The following CDH18 variants were observed in gnomAD, a reference collection of about 807,000 sequenced individuals.
The protein encoded by CDH18 is cadherin 18, also known as cadherin-18.
Under a neutral mutation model 67.9 loss-of-function variants are expected in CDH18, and 31 were observed. The observed-to-expected ratio is 0.46, with a 90% confidence interval of 0.34 to 0.62. The LOEUF (loss-of-function observed/expected upper bound fraction) is 0.62. CDH18 is among the 20% of genes least tolerant of loss of function. The pLI is 0.01. For missense variants in CDH18, 890 were observed against 975.5 expected (o/e 0.91, Z 1.17); for synonymous variants, 362 against 347.2 (o/e 1.04, Z -0.48).
intron 2 of CDH18, among the ~76,000 whole-genome samples, chr5:20,182,900 C>T (rs1280476960): frequency 1.3e-5 from 2 of 152,018 alleles, no homozygotes; most frequent in African/African-American, 2.4e-5. Context: ...AGCCCAAGAT[C>T]TCTATACTCA....
At chr5:19,540,210 A>G (rs1404189989) in intron 9 of CDH18, among the ~76,000 whole-genome samples, 1 of 152,080 alleles carries the variant, frequency 6.6e-6, no homozygotes, top group Non-Finnish European at 1.5e-5. Flanking sequence ...CAAATCTTAA[A>G]GTTCCAAAAT....
intron 5 of CDH18, among the ~76,000 whole-genome samples, chr5:19,711,809 C>CACT (rs994583938): frequency 1.3e-5 from 2 of 151,898 alleles, no homozygotes; most frequent in South Asian, 2.1e-4. Flanking sequence ...TCAGCAAACC[C>CACT]ACTACTACTA....
intron 1 of CDH18, among the ~76,000 whole-genome samples, chr5:20,435,499 G>T (rs1749099933): frequency 6.6e-6 from 1 of 151,896 alleles, no homozygotes; most frequent in African/African-American, 2.4e-5. Context: ...AGTTCCCTGT[G>T]TGAAATAGAA....
In CDH18 at chr5:19,544,019, G is replaced by T; in HGVS notation, c.1254-14C>A. 1 of 1,494,916 alleles carries T rather than the reference G, an allele frequency of 6.7e-7. No homozygotes were observed. 92.6% of individuals were successfully genotyped at this position (1,494,916 alleles called of 1,614,324 possible). A position where few individuals can be genotyped will look rare whatever the true frequency, so the allele number is the denominator to read the frequency against. On this transcript the variant is annotated splice_polypyrimidine_tract_variant and intron_variant, in intron 8 of 12. Coordinates refer to ENST00000382275, the MANE Select transcript of CDH18 (RefSeq NM_004934.5). The stretch of plus-strand genomic sequence containing the variant: ...TTGATGAAGTATCTAGAGAAAAAAA[G>T]AGAAGTTTTTACTTGATGTTATAAT...
At chr5:20,356,283 T>A (rs1741600158) in intron 1 of CDH18, among the ~76,000 whole-genome samples, 1 of 152,146 alleles carries the variant, frequency 6.6e-6, no homozygotes, top group Non-Finnish European at 1.5e-5. Flanking sequence ...CTTGGGAGGC[T>A]GAGGTAGGAG....
At position 19,676,877 on chromosome 5, in the gene CDH18, C is replaced by T. The variant is rs142030610; in HGVS notation, c.643+44470G>A. On this transcript the variant is annotated intron_variant, in intron 5 of 12. Transcript: ENST00000382275. Reference sequence around the variant, plus strand: ...CCACACTTGTTATTTAAGCTGCTCACTGAGTCTCTTCCAAGCATACTTTCC... The same window carrying T: ...CCACACTTGTTATTTAAGCTGCTCATTGAGTCTCTTCCAAGCATACTTTCC... Among the ~76,000 whole-genome samples the T allele has an allele frequency of 6.0e-3, 906 of 152,242 alleles. 9 individuals carry two copies. Among genetic ancestry groups the T allele is most frequent in the Middle Eastern group, 0.024 (7 of 294 alleles).
intron 2 of CDH18, among the ~76,000 whole-genome samples, chr5:20,091,967 C>G (rs1055362539): frequency 6.6e-6 from 1 of 152,084 alleles, no homozygotes; most frequent in African/African-American, 2.4e-5. Context: ...TTTTTTCATG[C>G]CTCACATGCT....
chr5:20,038,129 A>T (rs1466419531), intron 2 of CDH18, among the ~76,000 whole-genome samples: 1 of 152,188 alleles, frequency 6.6e-6, no homozygotes, highest in Non-Finnish European at 1.5e-5. Flanking sequence ...GAACAAATAA[A>T]CCCTCCCAAG....
chr5:19,764,632 T>C (rs1772826951), intron 3 of CDH18, among the ~76,000 whole-genome samples: 1 of 146,978 alleles, frequency 6.8e-6, no homozygotes, highest in African/African-American at 2.4e-5. Context: ...TTCATATATA[T>C]ATATATATAT....
intron 1 of CDH18, among the ~76,000 whole-genome samples, chr5:20,551,134 G>A (rs958023072): frequency 6.6e-6 from 1 of 152,092 alleles, no homozygotes; most frequent in African/African-American, 2.4e-5. Context: ...AACATCAGGA[G>A]TAAATGTAAA....
chr5:20,321,193 C>T (rs1737992205), intron 1 of CDH18, among the ~76,000 whole-genome samples: 2 of 152,090 alleles, frequency 1.3e-5, no homozygotes, highest in African/African-American at 2.4e-5. Context: ...TTCTCTAGAG[C>T]CTTCTCCAAC....
In CDH18 at chr5:20,494,824, T is replaced by A. The variant is rs141480953; in HGVS notation, c.-580+80638A>T. On this transcript the variant is annotated intron_variant, in intron 1 of 14. Coordinates refer to the CDH18 transcript ENST00000507958. Reference sequence around the variant, plus strand: ...TATCCCTACAGAAAAAGTCGGTTATTACCAAGAAGTAGCGGAGGAAAGGAG... The same window carrying A: ...TATCCCTACAGAAAAAGTCGGTTATAACCAAGAAGTAGCGGAGGAAAGGAG... Among the ~76,000 whole-genome samples the A allele has an allele frequency of 6.3e-3, 959 of 152,196 alleles. 16 individuals are homozygous for A. Among genetic ancestry groups the A allele is most frequent in the South Asian group, 0.039 (186 of 4,820 alleles).
intron 1 of CDH18, among the ~76,000 whole-genome samples, chr5:20,338,797 T>A (rs1740003347): frequency 6.6e-6 from 1 of 152,210 alleles, no homozygotes; most frequent in African/African-American, 2.4e-5. Context: ...ATTGAGGTTT[T>A]TGGCCCACAT....
In CDH18 at chr5:20,161,828, T is replaced by A. The variant is rs112930524; in HGVS notation, c.-518+93616A>T. Among the ~76,000 whole-genome samples, 676 of 152,320 alleles carry A rather than the reference T, an allele frequency of 4.4e-3. 3 individuals are homozygous for A. The highest frequency in any genetic ancestry group is 7.1e-3 in the Non-Finnish European group (482 of 68,018). The stretch of plus-strand genomic sequence containing the variant: ...TTTGTATTTGCTTTGGTCAGGTGCC[T>A]AGCAGGCACTTGATTATAATTGCAC... On this transcript the variant is annotated intron_variant, in intron 2 of 14. Transcript: ENST00000507958.
chr5:20,393,189 T>G (rs147015514), intron 1 of CDH18, among the ~76,000 whole-genome samples: 1 of 151,972 alleles, frequency 6.6e-6, no homozygotes, highest in Non-Finnish European at 1.5e-5. Flanking sequence ...AGGATAAAGA[T>G]AGTGTGGCTT....
chr5:19,623,069 T>C (rs1380591050), intron 5 of CDH18, among the ~76,000 whole-genome samples: 2 of 152,158 alleles, frequency 1.3e-5, no homozygotes, highest in Non-Finnish European at 2.9e-5. Context: ...CTGCCTCTCT[T>C]CCTCTCACTG....
intron 2 of CDH18, among the ~76,000 whole-genome samples, chr5:20,202,901 C>T (rs1739562124): frequency 6.6e-6 from 1 of 151,962 alleles, no homozygotes; most frequent in Non-Finnish European, 1.5e-5. Context: ...TGGCTTCACT[C>T]CCATTCAGAA....
chr5:20,295,210 T>G (rs925078984), intron 1 of CDH18, among the ~76,000 whole-genome samples: 1 of 152,178 alleles, frequency 6.6e-6, no homozygotes, highest in African/African-American at 2.4e-5. Context: ...AGAAGTTTTG[T>G]GATTTTATAT....
chr5:20,056,145 C>CA (rs2150499424), intron 2 of CDH18, among the ~76,000 whole-genome samples: 1 of 151,340 alleles, frequency 6.6e-6, no homozygotes, highest in South Asian at 2.1e-4. Flanking sequence ...GCTGGAACTA[C>CA]AGGCGCCCAC....
Sources: allele counts gnomAD v4.1 joint callset (sites outside exome capture counted in the v4.1 genomes callset), GRCh38; gene constraint gnomAD v4.1.1; transcripts MANE v1.5; gene names NCBI Gene and HGNC (gene_info 2026-07-23, HGNC 2026-07-21).